Variants in WDFY4 observed in about 807,000 individuals in gnomAD.
WDFY4 encodes the protein WDFY family member 4, also known as WD repeat- and FYVE domain-containing protein 4.
Under a neutral mutation model 351.9 loss-of-function variants are expected in WDFY4, and 169 were observed. That is an observed-to-expected ratio of 0.48 (90% confidence interval 0.42 to 0.55). The LOEUF (loss-of-function observed/expected upper bound fraction) is 0.55. WDFY4 is among the 20% of genes least tolerant of loss of function. WDFY4 has a pLI of 0.00. For missense variants in WDFY4, 3,803 were observed against 3,935.6 expected (o/e 0.97, Z 0.90); for synonymous variants, 1,622 against 1,574.6 (o/e 1.03, Z -0.71).
intron 1 of WDFY4, among the ~76,000 whole-genome samples, chr10:48,694,693 G>T (rs143874815): frequency 6.6e-6 from 1 of 152,134 alleles, no homozygotes; most frequent in East Asian, 1.9e-4. Context: ...CTCTCACCAT[G>T]CACTCACTCA....
chr10:48,914,402 A>C (rs2663065), intron 47 of WDFY4, among the ~76,000 whole-genome samples: 150,376 of 152,290 alleles, frequency 0.99, 74,270 homozygotes, highest in Middle Eastern at 1. Flanking sequence ...AAACTGTGTG[A>C]CTTCTTCAGA....
chr10:48,742,974 C>T lies in WDFY4; in HGVS notation c.1885C>T (p.Leu629Phe), dbSNP rs1397126295. The stretch of plus-strand genomic sequence containing the variant: ...GATTTGCTTGGTGTTTCAGTCTCTG[C>T]TCCGGATCCTGGTGACCCCCAAGGG... ...QLKLDLLKSLLRILVTPKGRA... is the reference protein window; with the variant it reads ...QLKLDLLKSLFRILVTPKGRA... The change falls in exon 12 of 62, where the codon CTC becomes TTC. Residue 629 changes from leucine to phenylalanine, a missense_variant. Leu to Phe is a conservative substitution (Grantham distance 22). Transcript: ENST00000325239. The T allele has an allele frequency of 1.3e-6, 2 of 1,545,110 alleles. No homozygotes were observed. Among genetic ancestry groups the T allele is most frequent in the South Asian group, 1.2e-5 (1 of 84,010 alleles).
chr10:48,970,071 A>G (rs1842270850), intron 56 of WDFY4, 60 bp from the exon 57 acceptor site: 9 of 1,527,902 alleles, frequency 5.9e-6, no homozygotes, highest in Non-Finnish European at 7.0e-6. Context: ...CCGTGACTCT[A>G]TCCTGGGCTC....
At chr10:48,832,774 T>C (rs1046260676) in intron 39 of WDFY4, 65 bp downstream of exon 39, 5 of 1,435,652 alleles carry the variant, frequency 3.5e-6, no homozygotes, top group Non-Finnish European at 4.6e-6. Context: ...ATGAGTCATA[T>C]CTCTTCTTTG....
intron 2 of WDFY4, among the ~76,000 whole-genome samples, chr10:48,718,350 T>TAAAAGC: frequency 6.6e-6 from 1 of 152,200 alleles, no homozygotes; most frequent in Non-Finnish European, 1.5e-5. Context: ...AAGGGAAGAT[T>TAAAAGC]TTTGAAGGCT....
At chr10:48,754,029 T>G (rs1243001297) in intron 12 of WDFY4, among the ~76,000 whole-genome samples, 1 of 152,150 alleles carries the variant, frequency 6.6e-6, no homozygotes, top group Non-Finnish European at 1.5e-5. Context: ...TGATCATCTG[T>G]TTTTTGCCTT....
intron 31 of WDFY4, 36 bp downstream of exon 31, chr10:48,814,118 T>G: frequency 6.7e-7 from 1 of 1,489,750 alleles, no homozygotes; most frequent in Non-Finnish European, 9.0e-7. Flanking sequence ...CCCGAGGAGG[T>G]TCTGATGGGA....
intron 43 of WDFY4, among the ~76,000 whole-genome samples, chr10:48,885,486 C>T (rs1314710216): frequency 6.6e-6 from 1 of 152,196 alleles, no homozygotes; most frequent in East Asian, 1.9e-4. Context: ...AAGGTATTGC[C>T]ATTTCCACCT....
chr10:48,982,151 C>T (rs1037898216), intron 61 of WDFY4, among the ~76,000 whole-genome samples: 9 of 152,288 alleles, frequency 5.9e-5, no homozygotes, highest in East Asian at 1.9e-4. Flanking sequence ...GGGCCAGAGC[C>T]GCACTTTTTG....
At chr10:48,821,451 C>G (rs1348878369) in intron 34 of WDFY4, among the ~76,000 whole-genome samples, 1 of 152,210 alleles carries the variant, frequency 6.6e-6, no homozygotes, top group East Asian at 1.9e-4. Context: ...CTCCTGTAGC[C>G]TCAGTAGAAA....
intron 49 of WDFY4, among the ~76,000 whole-genome samples, chr10:48,945,659 A>G (rs1033601772): frequency 3.3e-5 from 5 of 152,190 alleles, no homozygotes; most frequent in African/African-American, 7.2e-5. Context: ...CTTCCTGTAA[A>G]ATCAGTTTGA....
intron 1 of WDFY4, among the ~76,000 whole-genome samples, chr10:48,687,893 T>G (rs1296533344): frequency 6.6e-6 from 1 of 152,146 alleles, no homozygotes; most frequent in African/African-American, 2.4e-5. Flanking sequence ...GCGATTCCTC[T>G]GCCTCAGCCT....
intron 1 of WDFY4, among the ~76,000 whole-genome samples, chr10:48,685,251 C>T (rs936422840): frequency 1.3e-5 from 2 of 152,178 alleles, no homozygotes; most frequent in Non-Finnish European, 2.9e-5. Flanking sequence ...TGTGTCACTG[C>T]TGAAGTTTGG....
intron 44 of WDFY4, among the ~76,000 whole-genome samples, chr10:48,895,250 G>A (rs967213559): frequency 2.6e-5 from 4 of 152,220 alleles, no homozygotes; most frequent in Admixed American, 6.5e-5. Context: ...CTCTGGGTCT[G>A]TGACTGCTTG....
chr10:48,888,994 C>T (rs2070580432), intron 43 of WDFY4, among the ~76,000 whole-genome samples: 1 of 152,212 alleles, frequency 6.6e-6, no homozygotes, highest in Non-Finnish European at 1.5e-5. Flanking sequence ...CACCTTATCC[C>T]CAAAGCCTGG....
chr10:48,952,723 A>G (rs185673865), intron 51 of WDFY4, among the ~76,000 whole-genome samples: 1 of 152,112 alleles, frequency 6.6e-6, no homozygotes, highest in East Asian at 1.9e-4. Flanking sequence ...GGGTTCACTC[A>G]TTTAGAAAAG....
intron 44 of WDFY4, among the ~76,000 whole-genome samples, chr10:48,894,786 A>G (rs1836989430): frequency 6.6e-6 from 1 of 152,194 alleles, no homozygotes; most frequent in African/African-American, 2.4e-5. Flanking sequence ...AGGAGTGGCC[A>G]TGTCATCCCC....
At position 48,749,428 on chromosome 10, in the gene WDFY4, C is replaced by T. The variant is rs369493729; in HGVS notation, c.2459+5880C>T. On this transcript the variant is annotated intron_variant, in intron 12 of 61. Coordinates refer to ENST00000325239, the MANE Select transcript of WDFY4 (RefSeq NM_001394531.1). ...CACACACCCACACACTGCACTTACA[C>T]ACCACACAGCACCTAGCACATACAC... Among the ~76,000 whole-genome samples, 9 of 149,676 alleles carry T rather than the reference C, an allele frequency of 6.0e-5. No homozygotes were observed. In the East Asian group the frequency reaches 1.2e-3, roughly 19 times the overall value.
intron 14 of WDFY4, 99 bp downstream of exon 14, chr10:48,774,771 A>T: frequency 4.3e-6 from 6 of 1,398,148 alleles, no homozygotes; most frequent in Non-Finnish European, 5.9e-6. Context: ...GCAGGGACAG[A>T]TGGAGGGCAC....
Sources: gnomAD v4.1 joint callset for allele counts (sites outside exome capture counted in the v4.1 genomes callset) on GRCh38, gnomAD v4.1.1 for gene constraint, MANE v1.5 for transcripts, NCBI Gene and HGNC (gene_info 2026-07-23, HGNC 2026-07-21) for gene names.